Variants in ZBED6 observed in about 807,000 individuals in gnomAD.
The protein encoded by ZBED6 is zinc finger BED-type containing 6.
A neutral mutation model predicts 58.4 loss-of-function variants in ZBED6; 40 were observed. That is an observed-to-expected ratio of 0.68 (90% CI 0.53 to 0.89). ZBED6 has a LOEUF of 0.89. Among genes scored for constraint, ZBED6 ranks in the 40% least tolerant of loss-of-function variants. ZBED6 has a pLI of 0.00. For synonymous variants in ZBED6, 439 were observed against 350.6 expected (o/e 1.25, Z -2.82); for missense variants, 1,057 against 1,003.9 (o/e 1.05, Z -0.71).
At chr1:203,835,464 T>C (rs1391213407) in intron 9 of ZBED6, 1 of 155,122 alleles carries the variant, frequency 6.4e-6, no homozygotes, top group Non-Finnish European at 1.4e-5. Context: ...TAGAAATCTC[T>C]TCTAGCTGTA....
At chr1:203,823,817 A>G (rs1028064571) in intron 3 of ZBED6, among the ~76,000 whole-genome samples, 27 of 152,230 alleles carry the variant, frequency 1.8e-4, no homozygotes, top group Non-Finnish European at 3.7e-4. Flanking sequence ...TAACCTAACT[A>G]TCCTTCATTT....
chr1:203,846,533 T>C (rs1572352829), intron 11 of ZBED6, among the ~76,000 whole-genome samples: 1 of 152,218 alleles, frequency 6.6e-6, no homozygotes, highest in East Asian at 1.9e-4. Context: ...TCAAAGCAGT[T>C]ATCATTACCA....
intron 2 of ZBED6, among the ~76,000 whole-genome samples, chr1:203,817,519 G>T (rs1275727779): frequency 1.4e-5 from 2 of 146,536 alleles, no homozygotes; most frequent in African/African-American, 4.9e-5. Flanking sequence ...ACTGTCATGG[G>T]TTGAATTTGA....
At chr1:203,798,443 A>C in exon 1 of ZBED6, 1 of 1,536,034 alleles carries the variant, frequency 6.5e-7, no homozygotes, top group African/African-American at 1.4e-5. Context: ...CAACACTTCA[A>C]CGACACCTGC....
At chr1:203,840,855 A>G (rs1156867725) in intron 11 of ZBED6, among the ~76,000 whole-genome samples, 4 of 152,040 alleles carry the variant, frequency 2.6e-5, no homozygotes, top group Non-Finnish European at 5.9e-5. Context: ...GCTGGTCTCA[A>G]ACTCCTGACC....
At chr1:203,840,462 A>C in intron 11 of ZBED6, 88 bp downstream of exon 11, 1 of 1,337,368 alleles carries the variant, frequency 7.5e-7, no homozygotes, top group South Asian at 1.3e-5. Flanking sequence ...GTTGCTTGCT[A>C]GGGCTTTTGA....
chr1:203,843,944 G>A (rs1283185936), intron 11 of ZBED6, among the ~76,000 whole-genome samples: 3 of 151,480 alleles, frequency 2.0e-5, no homozygotes, highest in Admixed American at 6.6e-5. Flanking sequence ...TGCAACCTCT[G>A]CCTCCCAGGT....
rs59254922 is a variant in ZBED6, at chr1:203,815,216, C to CTT, written c.*2555-1695_*2555-1694dup. Among the ~76,000 whole-genome samples the CTT allele has an allele frequency of 7.2e-5, 7 of 97,150 alleles. 2 individuals are homozygous for CTT. The highest frequency in any genetic ancestry group is 7.8e-5 in the African/African-American group (2 of 25,756). 63.7% of individuals were successfully genotyped at this position (97,150 alleles called of 152,430 possible). A position where few individuals can be genotyped will look rare whatever the true frequency, so the allele number is the denominator to read the frequency against. On this transcript the variant is annotated intron_variant, in intron 1 of 16. Coordinates refer to ENST00000550078, the Ensembl canonical transcript of ZBED6. ...TTCATTATTTTCTTCCTTTTCTTTTCTTTTTTTTTTTTTTTTGAGACAGTG... is the reference window on the plus strand; with the variant it reads ...TTCATTATTTTCTTCCTTTTCTTTTCTTTTTTTTTTTTTTTTTTGAGACAGTG...
chr1:203,818,050 T>A (rs574995839), intron 2 of ZBED6, among the ~76,000 whole-genome samples: 17 of 152,192 alleles, frequency 1.1e-4, no homozygotes, highest in Admixed American at 5.2e-4. Context: ...CCCGGTGATA[T>A]TATGTTTTAA....
chr1:203,797,849 G>A (rs1205064659), exon 1 of ZBED6: 3 of 1,536,002 alleles, frequency 2.0e-6, no homozygotes, highest in Middle Eastern at 1.7e-4. Flanking sequence ...ACCCTGAGCA[G>A]GATGAAGAAA....
chr1:203,799,974 T>G (rs1161925236), exon 1 of ZBED6: 9 of 1,536,014 alleles, frequency 5.9e-6, no homozygotes, highest in Admixed American at 2.0e-5. Flanking sequence ...TTCAGAAGCT[T>G]CTTGTCCCTC....
At chr1:203,801,815 TGA>T (rs1670616242) in exon 1 of ZBED6, 1 of 55,796 alleles carries the variant, frequency 1.8e-5, no homozygotes, top group Non-Finnish European at 3.6e-5. Context: ...TTTTTGGTTT[TGA>T]TTTTTTTTTT....
At chr1:203,849,397 T>A (rs1455212832) in intron 13 of ZBED6, among the ~76,000 whole-genome samples, 1 of 152,246 alleles carries the variant, frequency 6.6e-6, no homozygotes, top group African/African-American at 2.4e-5. Flanking sequence ...GATTTTGTTT[T>A]ACACAATTTA....
At chr1:203,828,314 A>G (rs1195780929) in exon 4 of ZBED6, 1 of 1,613,992 alleles carries the variant, frequency 6.2e-7, no homozygotes, top group Non-Finnish European at 8.5e-7. Flanking sequence ...ACGCAGTGAA[A>G]TTCCTTGTTA....
At chr1:203,848,230 C>G in intron 12 of ZBED6, 101 bp from the exon 13 acceptor site, 1 of 948,054 alleles carries the variant, frequency 1.1e-6, no homozygotes, top group Non-Finnish European at 1.6e-6. Context: ...TTTTATTTGT[C>G]CTGTCTTACT....
chr1:203,842,464 G>A (rs556087915), intron 11 of ZBED6, among the ~76,000 whole-genome samples: 11 of 152,098 alleles, frequency 7.2e-5, no homozygotes, highest in East Asian at 1.9e-4. Context: ...CAAGTGTGGC[G>A]GCGCGCGCCT....
rs1490254450 is a variant in ZBED6, at chr1:203,841,906, C to T, written c.*3741+1532C>T. 1.3e-5 allele frequency among the ~76,000 whole-genome samples: 2 copies of T among 150,428 alleles called. 1 individual carries two copies. Among genetic ancestry groups the T allele is most frequent in the Non-Finnish European group, 3.0e-5 (2 of 67,774 alleles). On this transcript the variant is annotated intron_variant, in intron 11 of 16. Transcript: ENST00000550078. ...GACGGGGCGGCCGGGCAGAGACGCT[C>T]CTCACCTCCCAGATGGGGTGGCGGT...
chr1:203,797,688 G>T lies in ZBED6; in HGVS notation c.166G>T (p.Ala56Ser), dbSNP rs768023198. ...GGTAGCAGAAGGAGTGAATAAAGAG[G>T]CAAAACAGCCTGCTAAAAAGAAAAG... Residue 56 changes from alanine (A) to serine (S), a missense_variant, in exon 1 of 17, where the codon GCA becomes TCA. Physicochemically the swap from Ala to Ser is moderately conservative, Grantham distance 99. Coordinates refer to ENST00000550078, the Ensembl canonical transcript of ZBED6. 9 of 1,535,664 alleles carry T rather than the reference G, an allele frequency of 5.9e-6. No individual in the cohort carries two copies. In the South Asian group the frequency reaches 8.3e-5, roughly 14 times the overall value.
At chr1:203,818,508 T>A (rs945119860) in intron 2 of ZBED6, 62 bp from the exon 3 acceptor site, 24 of 1,606,840 alleles carry the variant, frequency 1.5e-5, no homozygotes, top group Non-Finnish European at 2.0e-5. Flanking sequence ...GCTCTTGTTA[T>A]GGATATTTTA....
Sources: allele counts gnomAD v4.1 joint callset (sites outside exome capture counted in the v4.1 genomes callset), GRCh38; gene constraint gnomAD v4.1.1; transcripts MANE v1.5; gene names NCBI Gene and HGNC (gene_info 2026-07-23, HGNC 2026-07-21).